PRND: variants seen among roughly 807,000 people sequenced by gnomAD.
PRND encodes prion like protein doppel.
For synonymous variants in PRND, 94 were observed against 93.2 expected (o/e 1.01, Z -0.05); for missense variants, 227 against 223.3 (o/e 1.02, Z -0.11).
At position 4,724,739 on chromosome 20, in the gene PRND, G is replaced by A; in HGVS notation, c.188G>A (p.Gly63Asp). 6.2e-7 allele frequency: 1 copy of A among 1,614,218 alleles called. No homozygotes were observed. Among genetic ancestry groups the A allele is most frequent in the South Asian group, 1.1e-5 (1 of 91,086 alleles). Residue 63 changes from glycine to aspartate, a missense_variant, in exon 2 of 2, where the codon GGC (glycine) becomes GAC (aspartate). By Grantham distance (94) the Gly-to-Asp change is moderately conservative (BLOSUM62 -1). Transcript: ENST00000305817. The surrounding 1 kb of genome is among the most constrained non-coding windows in gnomAD (Gnocchi z 4.8). ...CGCCCGGGAGCCTTCATCAAGCAAG[G>A]CCGCAAGCTCGACATTGACTTCGGA... is the stretch of plus-strand genomic sequence containing the variant. Reference protein sequence around the residue: ...ENRPGAFIKQGRKLDIDFGAE... With the variant: ...ENRPGAFIKQDRKLDIDFGAE...
Position 4,725,228 on chromosome 20 carries a change from C to T in PRND, c.*146C>T, listed in dbSNP as rs553757199. 252 of 981,950 alleles carry T rather than the reference C, an allele frequency of 2.6e-4. No homozygotes were observed. The highest frequency in any genetic ancestry group is 3.0e-4 in the Non-Finnish European group (195 of 656,504). The allele number at this position is 981,950 out of a possible 1,614,324, so 60.8% of individuals were successfully genotyped here. On this transcript the variant is annotated 3_prime_UTR_variant, in exon 2 of 2. Transcript: ENST00000305817. Reference sequence around the variant, plus strand: ...ACTGCAAATGCCGCTCTCACGTATGCGCCCTGGTATGTGCCTGCGTTCTGA... The same window carrying T: ...ACTGCAAATGCCGCTCTCACGTATGTGCCCTGGTATGTGCCTGCGTTCTGA...
At position 4,724,437 on chromosome 20, in the gene PRND, C is replaced by A. The variant is rs1365236161; in HGVS notation, c.-11-104C>A. 1.4e-6 allele frequency: 2 copies of A among 1,412,714 alleles called. No individual in the cohort carries two copies. The highest frequency in any genetic ancestry group is 2.3e-5 in the East Asian group (1 of 44,028). 87.5% of individuals were successfully genotyped at this position (1,412,714 alleles called of 1,614,324 possible). On this transcript the variant is annotated intron_variant, in intron 1 of 1. Transcript: ENST00000305817. This position sits in a 1 kb window ranked among gnomAD's most constrained non-coding sequence, Gnocchi z 4.8. ...TATGCTTTTGAGACCACATAAATAG[C>A]ACAAGGATGCGATTCCTTCCTTAAA...
Position 4,726,325 on chromosome 20 carries a change from A to G in PRND, c.*1243A>G, listed in dbSNP as rs1923267085. ...TATAATCCCTTTACATCTGTGTTCT[A>G]TGCAAAGTCTCTCATTTCTTTCAAG... On this transcript the variant is annotated 3_prime_UTR_variant, in exon 2 of 2. Transcript: ENST00000305817. The G allele has an allele frequency of 6.0e-6, 1 of 166,906 alleles. No homozygotes were observed. The highest frequency in any genetic ancestry group is 6.5e-5 in the Admixed American group (1 of 15,268). 10.3% of individuals were successfully genotyped at this position (166,906 alleles called of 1,614,324 possible). A position where few individuals can be genotyped will look rare whatever the true frequency, so the allele number is the denominator to read the frequency against.
Position 4,724,000 on chromosome 20 carries a change from GTA to G in PRND, c.-11-531_-11-530del, listed in dbSNP as rs1470315606. The stretch of plus-strand genomic sequence containing the variant: ...TATGTGTGTGTGTCTGTACATATAC[GTA>G]TATATATATGTGTGTATATATACAT... On this transcript the variant is annotated intron_variant, in intron 1 of 1. Transcript: ENST00000305817. 2.2e-3 allele frequency among the ~76,000 whole-genome samples: 321 copies of G among 142,902 alleles called. 1 individual carries two copies. The highest frequency in any genetic ancestry group is 7.0e-3 in the African/African-American group (273 of 38,738). 93.7% of individuals were successfully genotyped at this position (142,902 alleles called of 152,430 possible).
chr20:4,725,092 G>A lies in PRND; in HGVS notation c.*10G>A. Reference sequence around the variant, plus strand: ...GCTCACGGTGAAATAAGCTTGCCAGGAGGCTGGCAGTACAGAGTGCAGCAG... The same window carrying A: ...GCTCACGGTGAAATAAGCTTGCCAGAAGGCTGGCAGTACAGAGTGCAGCAG... On this transcript the variant is annotated 3_prime_UTR_variant, in exon 2 of 2. Coordinates refer to ENST00000305817, the MANE Select transcript of PRND (RefSeq NM_012409.4). 2 of 1,611,584 alleles carry A rather than the reference G, an allele frequency of 1.2e-6. No individual in the cohort carries two copies. Among genetic ancestry groups the A allele is most frequent in the African/African-American group, 1.3e-5 (1 of 74,912 alleles).
rs1923198521 is a variant in PRND, at chr20:4,724,450, T to C, written c.-11-91T>C. On this transcript the variant is annotated intron_variant, in intron 1 of 1. Transcript: ENST00000305817. This position sits in a 1 kb window ranked among gnomAD's most constrained non-coding sequence, Gnocchi z 4.8. ...CCACATAAATAGCACAAGGATGCGA[T>C]TCCTTCCTTAAAATCTCCTGCACTT... 7 of 1,501,938 alleles carry C rather than the reference T, an allele frequency of 4.7e-6. No individual in the cohort carries two copies. In the Admixed American group the frequency reaches 1.2e-4, roughly 25 times the overall value. 93.0% of individuals were successfully genotyped at this position (1,501,938 alleles called of 1,614,324 possible).
Position 4,724,461 on chromosome 20 carries a change from A to G in PRND, c.-11-80A>G. On this transcript the variant is annotated intron_variant, in intron 1 of 1. Transcript: ENST00000305817. The surrounding 1 kb of genome is among the most constrained non-coding windows in gnomAD (Gnocchi z 4.8). ...GCACAAGGATGCGATTCCTTCCTTAAAATCTCCTGCACTTGGGAGGGGGCA... is the reference window on the plus strand; with the variant it reads ...GCACAAGGATGCGATTCCTTCCTTAGAATCTCCTGCACTTGGGAGGGGGCA... 6.5e-7 allele frequency: 1 copy of G among 1,547,972 alleles called. No homozygotes were observed. The highest frequency in any genetic ancestry group is 1.1e-5 in the South Asian group (1 of 89,370).
rs946271216 is a variant in PRND, at chr20:4,727,479, A to C, written c.*2397A>C. On this transcript the variant is annotated 3_prime_UTR_variant, in exon 2 of 2. Transcript: ENST00000305817. ...GCGAGACATTGGGAGGGGCTTCTGA[A>C]TTATTCTGGATATCGTCATTTTGCA... The C allele has an allele frequency of 5.4e-5, 9 of 167,074 alleles. No homozygotes were observed. The highest frequency in any genetic ancestry group is 2.2e-4 in the African/African-American group (9 of 41,458). The allele number at this position is 167,074 out of a possible 1,614,324, so 10.3% of individuals were successfully genotyped here. A position where few individuals can be genotyped will look rare whatever the true frequency, so the allele number is the denominator to read the frequency against.
In PRND at chr20:4,727,425, G is replaced by A. The variant is rs554673562; in HGVS notation, c.*2343G>A. The A allele has an allele frequency of 1.8e-5, 3 of 167,188 alleles. No individual in the cohort carries two copies. In the East Asian group the frequency reaches 5.8e-4, roughly 32 times the overall value. 10.4% of individuals were successfully genotyped at this position (167,188 alleles called of 1,614,324 possible). A position where few individuals can be genotyped will look rare whatever the true frequency, so the allele number is the denominator to read the frequency against. On this transcript the variant is annotated 3_prime_UTR_variant, in exon 2 of 2. Transcript: ENST00000305817. ...AGGCTGAGTTTAGTTTTTCACTTTA[G>A]CAAAGGGGCAATGGGGTGCCTACTA...
At position 4,726,136 on chromosome 20, in the gene PRND, ATTTTT is replaced by A. The variant is rs58804370; in HGVS notation, c.*1068_*1072del. 3.3e-5 allele frequency: 4 copies of A among 120,504 alleles called. No individual in the cohort carries two copies. Among genetic ancestry groups the A allele is most frequent in the African/African-American group, 1.0e-4 (3 of 29,506 alleles). 7.5% of individuals were successfully genotyped at this position (120,504 alleles called of 1,614,324 possible). On this transcript the variant is annotated 3_prime_UTR_variant, in exon 2 of 2. Transcript: ENST00000305817. ...GGGCCTCCCATAGTGCTGGGATTCA[ATTTTT>A]TTTTTTTTTTTTTCAAAAGAAGGGT...
chr20:4,722,857 T>G (rs1253689988), intron 1 of PRND, among the ~76,000 whole-genome samples: 2 of 152,156 alleles, frequency 1.3e-5, no homozygotes, highest in African/African-American at 4.8e-5. Context: ...CAGTCGGCCT[T>G]GGGAAGTGGA....
chr20:4,728,392 T>C lies in PRND; in HGVS notation c.*3310T>C, dbSNP rs1923347982. 4 of 167,110 alleles carry C rather than the reference T, an allele frequency of 2.4e-5. No individual in the cohort carries two copies. In the South Asian group the frequency reaches 8.3e-4, roughly 35 times the overall value. 10.4% of individuals were successfully genotyped at this position (167,110 alleles called of 1,614,324 possible). ...ATCATGATTGATTGAATCATTGCCT[T>C]GTTGATGGGCCTTCAGATTATTTCC... On this transcript the variant is annotated 3_prime_UTR_variant, in exon 2 of 2. Transcript: ENST00000305817.
At position 4,725,657 on chromosome 20, in the gene PRND, G is replaced by A. The variant is rs762152971; in HGVS notation, c.*575G>A. ...GAAATAAATGAAAACACCTGAGCTGGTGGCTGTGTACTTTGACTGGTACAT... is the reference window on the plus strand; with the variant it reads ...GAAATAAATGAAAACACCTGAGCTGATGGCTGTGTACTTTGACTGGTACAT... On this transcript the variant is annotated 3_prime_UTR_variant, in exon 2 of 2. Coordinates refer to ENST00000305817, the MANE Select transcript of PRND (RefSeq NM_012409.4). 2 of 170,174 alleles carry A rather than the reference G, an allele frequency of 1.2e-5. No individual in the cohort carries two copies. Among genetic ancestry groups the A allele is most frequent in the African/African-American group, 2.4e-5 (1 of 41,430 alleles). The allele number at this position is 170,174 out of a possible 1,614,324, so 10.5% of individuals were successfully genotyped here. A position where few individuals can be genotyped will look rare whatever the true frequency, so the allele number is the denominator to read the frequency against.
Position 4,726,352 on chromosome 20 carries a change from C to T in PRND, c.*1270C>T, listed in dbSNP as rs1053439095. ...GCAAAGTCTCTCATTTCTTTCAAGACAGCCTAATGAAGGCCATCATCTCTG... is the reference window on the plus strand; with the variant it reads ...GCAAAGTCTCTCATTTCTTTCAAGATAGCCTAATGAAGGCCATCATCTCTG... On this transcript the variant is annotated 3_prime_UTR_variant, in exon 2 of 2. Transcript: ENST00000305817. 6.0e-6 allele frequency: 1 copy of T among 166,860 alleles called. No homozygotes were observed. Among genetic ancestry groups the T allele is most frequent in the Admixed American group, 6.6e-5 (1 of 15,256 alleles). The allele number at this position is 166,860 out of a possible 1,614,324, so 10.3% of individuals were successfully genotyped here.
rs550585647 is a variant in PRND, at chr20:4,725,008, G to T, written c.457G>T (p.Ala153Ser). ...KHCEFWLERG[A>S]GLRVTMHQPV... is the part of the protein sequence containing the mutation. ...TTGCGAGTTTTGGTTGGAGAGGGGC[G>T]CAGGACTTCGGGTCACCATGCACCA... Residue 153 changes from alanine to serine, a missense_variant, in exon 2 of 2, where the codon GCA (alanine) becomes TCA (serine). Transcript: ENST00000305817. The T allele has an allele frequency of 2.8e-5, 45 of 1,613,528 alleles. No individual in the cohort carries two copies. The East Asian group carries it at 8.9e-4, about 32-fold the overall frequency.
At chr20:4,723,002 G>C (rs771088215) in intron 1 of PRND, among the ~76,000 whole-genome samples, 1 of 152,170 alleles carries the variant, frequency 6.6e-6, no homozygotes, top group Admixed American at 6.5e-5. Context: ...GGACCCTCCT[G>C]GTGTTCCCCC....
rs2756261 is a variant in PRND, at chr20:4,725,664, T to C, written c.*582T>C. On this transcript the variant is annotated 3_prime_UTR_variant, in exon 2 of 2. Coordinates refer to ENST00000305817, the MANE Select transcript of PRND (RefSeq NM_012409.4). ...ATGAAAACACCTGAGCTGGTGGCTG[T>C]GTACTTTGACTGGTACATGGAGGCT... 87,236 of 168,884 alleles carry C rather than the reference T, an allele frequency of 0.52. 23,351 individuals are homozygous for C. The highest frequency in any genetic ancestry group is 0.66 in the African/African-American group (27,414 of 41,402). The allele number at this position is 168,884 out of a possible 1,614,324, so 10.5% of individuals were successfully genotyped here.
In PRND at chr20:4,727,236, C is replaced by A. The variant is rs1386719405; in HGVS notation, c.*2154C>A. The A allele has an allele frequency of 6.0e-6, 1 of 167,058 alleles. No homozygotes were observed. The highest frequency in any genetic ancestry group is 1.5e-5 in the Non-Finnish European group (1 of 68,132). The allele number at this position is 167,058 out of a possible 1,614,324, so 10.3% of individuals were successfully genotyped here. ...TGTCGTTCATTTTCTGTAATTGCTG[C>A]CTTTTCTCATTCTGTTAATAGTCCC... is the stretch of plus-strand genomic sequence containing the variant. On this transcript the variant is annotated 3_prime_UTR_variant, in exon 2 of 2. Coordinates refer to ENST00000305817, the MANE Select transcript of PRND (RefSeq NM_012409.4).
chr20:4,722,760 G>C (rs1923140486), intron 1 of PRND, among the ~76,000 whole-genome samples: 1 of 152,150 alleles, frequency 6.6e-6, no homozygotes, highest in Non-Finnish European at 1.5e-5. Flanking sequence ...CTTTGCCTAG[G>C]AGACAGCTTA....
Sources: allele counts gnomAD v4.1 joint callset (sites outside exome capture counted in the v4.1 genomes callset), GRCh38; gene constraint gnomAD v4.1.1; non-coding constraint Gnocchi (gnomAD v3.1); transcripts MANE v1.5; gene names NCBI Gene and HGNC (gene_info 2026-07-23, HGNC 2026-07-21).